The following TMEM200C variants were observed in gnomAD, a reference collection of about 807,000 sequenced individuals.
TMEM200C encodes the protein transmembrane protein TTMA.
For missense variants in TMEM200C, 966 were observed against 699.9 expected, an observed-to-expected ratio of 1.38 and a Z score of -4.29; for synonymous variants, 462 against 324.7, an observed-to-expected ratio of 1.42 and a Z score of -4.55.
In TMEM200C at chr18:5,891,225, GC is replaced by G; in HGVS notation, c.838del (p.Ala280ProfsTer97). Reference sequence around the variant, plus strand: ...GGGGTGAGGAGGCCACGAGCCCTTGGCCAGCATCGCCGCCGCTCCGAAGGCG... The same window carrying G: ...GGGGTGAGGAGGCCACGAGCCCTTGGCAGCATCGCCGCCGCTCCGAAGGCG... On this transcript the variant is annotated frameshift_variant, in exon 3 of 3. Transcript: ENST00000581347. LOFTEE classifies it low-confidence loss of function (END_TRUNC). This position sits in a 1 kb window ranked among gnomAD's most constrained non-coding sequence, Gnocchi z 4.7. 1 of 1,287,608 alleles carries G rather than the reference GC, an allele frequency of 7.8e-7. No individual in the cohort carries two copies. The highest frequency in any genetic ancestry group is 1.0e-6 in the Non-Finnish European group (1 of 995,202). The allele number at this position is 1,287,608 out of a possible 1,614,324, so 79.8% of individuals were successfully genotyped here.
exon 3 of TMEM200C, chr18:5,887,348 C>A (rs1402592174): frequency 2.6e-5 from 4 of 152,174 alleles, no homozygotes; most frequent in African/African-American, 9.7e-5. Context: ...AAAACTTGTT[C>A]ATGCCCGTCT....
chr18:5,892,110 A>C (rs1567888412), exon 3 of TMEM200C: 1 of 1,550,342 alleles, frequency 6.5e-7, no homozygotes, highest in East Asian at 2.3e-5. Context: ...GGAGGCTTGC[A>C]CAGGGAGGGC....
intron 2 of TMEM200C, among the ~76,000 whole-genome samples, chr18:5,894,003 G>T (rs2095173628): frequency 1.3e-5 from 2 of 152,190 alleles, no homozygotes; most frequent in Admixed American, 6.5e-5. Context: ...TGTTTTAAGT[G>T]ATCCTTGGAG....
exon 3 of TMEM200C, chr18:5,888,280 C>T (rs1461465132): frequency 6.6e-6 from 1 of 152,220 alleles, no homozygotes; most frequent in African/African-American, 2.4e-5. Flanking sequence ...TTAGTGCAAA[C>T]TCACTTTTGC....
chr18:5,890,327 G>C, exon 3 of TMEM200C: 2 of 1,604,374 alleles, frequency 1.2e-6, no homozygotes, highest in Non-Finnish European at 1.7e-6. Context: ...GTGGCTCCTG[G>C]CTGGCACCCT....
At chr18:5,886,669 T>G (rs2095165573) in exon 3 of TMEM200C, 1 of 152,180 alleles carries the variant, frequency 6.6e-6, no homozygotes, top group Non-Finnish European at 1.5e-5. Flanking sequence ...CCAGGAGTTG[T>G]TCTAAGTCCT....
At position 5,890,372 on chromosome 18, in the gene TMEM200C, G is replaced by A. The variant is rs767617925; in HGVS notation, c.1692C>T (p.Ala564=). 4 of 1,590,994 alleles carry A rather than the reference G, an allele frequency of 2.5e-6. No individual in the cohort carries two copies. In the South Asian group the frequency reaches 3.4e-5, roughly 14 times the overall value. ...TCTGCTCCGCACCCAGAACGGGGGC[G>A]GCCACAGCAGAGTCTCGCGTTTGAC... Residue 564 remains alanine, a synonymous_variant, in exon 3 of 3, where the codon GCC becomes GCT. Transcript: ENST00000581347.
exon 3 of TMEM200C, chr18:5,890,152 C>T (rs371807347): frequency 1.8e-5 from 27 of 1,479,822 alleles, no homozygotes; most frequent in Non-Finnish European, 2.3e-5. Context: ...TTCAAGTGGG[C>T]GTTTCTCCCA....
chr18:5,894,288 T>C (rs2095173894), intron 2 of TMEM200C, among the ~76,000 whole-genome samples: 1 of 152,206 alleles, frequency 6.6e-6, no homozygotes, highest in Admixed American at 6.5e-5. Context: ...TTACCGCACA[T>C]CTTTAAAATG....
exon 3 of TMEM200C, chr18:5,890,033 C>T: frequency 5.3e-6 from 3 of 568,772 alleles, no homozygotes; most frequent in Non-Finnish European, 8.2e-6. Context: ...GAGTTATCTA[C>T]AGGAATCTTG....
chr18:5,890,939 C>T (rs752686010), exon 3 of TMEM200C: 1 of 673,550 alleles, frequency 1.5e-6, no homozygotes, highest in South Asian at 1.5e-5. Flanking sequence ...AGGCGCTCAG[C>T]GAGGAGTCCA....
chr18:5,887,069 C>G (rs1287398291), exon 3 of TMEM200C: 2 of 152,130 alleles, frequency 1.3e-5, no homozygotes, highest in African/African-American at 4.8e-5. Context: ...AATTGAGACA[C>G]AGAGAGACTA....
exon 3 of TMEM200C, chr18:5,890,963 C>G (rs563302833): frequency 1.5e-4 from 97 of 660,970 alleles, no homozygotes; most frequent in African/African-American, 1.1e-3. Context: ...AGGAGCTGGC[C>G]GTGCTCTGGC....
exon 1 of TMEM200C, chr18:5,895,891 G>C (rs957056606): frequency 2.6e-5 from 4 of 152,016 alleles, no homozygotes; most frequent in Admixed American, 6.5e-5. Context: ...CCCAAAGAGA[G>C]GCCCGGAGGG....
At position 5,891,958 on chromosome 18, in the gene TMEM200C, T is replaced by G. The variant is rs559620790; in HGVS notation, c.106A>C (p.Lys36Gln). The change falls in exon 3 of 3, where the codon AAG (lysine) becomes CAG (glutamine). Residue 36 changes from lysine (K) to glutamine (Q), a missense_variant. Coordinates refer to ENST00000581347, the Ensembl canonical transcript of TMEM200C. This position sits in a 1 kb window ranked among gnomAD's most constrained non-coding sequence, Gnocchi z 4.7. ...CCTTTCACCACCACCACGTCGTTCT[T>G]GCGCCTCTTCTTGGCTTTCCGCTTG... The G allele has an allele frequency of 6.7e-5, 108 of 1,613,968 alleles. 1 individual carries two copies. In the South Asian group the frequency reaches 1.1e-3, roughly 17 times the overall value.
At position 5,891,996 on chromosome 18, in the gene TMEM200C, T is replaced by C; in HGVS notation, c.68A>G (p.Gln23Arg). 3 of 1,613,974 alleles carry C rather than the reference T, an allele frequency of 1.9e-6. No homozygotes were observed. The highest frequency in any genetic ancestry group is 2.5e-6 in the Non-Finnish European group (3 of 1,179,886). The stretch of plus-strand genomic sequence containing the variant: ...GGCTTTCCGCTTGCGCTTGGGTATC[T>C]GGCTTGGGGGGCGGAGTGGATCCTG... Residue 23 changes from glutamine (Q) to arginine (R), a missense_variant, in exon 3 of 3, where the codon CAG (glutamine) becomes CGG (arginine). Gln to Arg is a conservative substitution (Grantham distance 43). Transcript: ENST00000581347. This position sits in a 1 kb window ranked among gnomAD's most constrained non-coding sequence, Gnocchi z 4.7.
At chr18:5,885,580 G>T (rs535924624) in exon 3 of TMEM200C, 8 of 152,206 alleles carry the variant, frequency 5.3e-5, no homozygotes, top group Non-Finnish European at 8.8e-5. Flanking sequence ...TCACACCCAT[G>T]TGGGCTCAGC....
chr18:5,887,848 G>A (rs1346085379), exon 3 of TMEM200C: 1 of 152,104 alleles, frequency 6.6e-6, no homozygotes, highest in Non-Finnish European at 1.5e-5. Context: ...CCCAAGATTT[G>A]GAAAATTGAG....
In TMEM200C at chr18:5,891,872, C is replaced by T. The variant is rs746569622; in HGVS notation, c.192G>A (p.Leu64=). ...CCACCACCGCCATGGCTATGCCCAC[C>T]AGCAGCACCAGGATCCCACAGAGGG... The change falls in exon 3 of 3, where the codon CTG becomes CTA. Residue 64 remains leucine, a synonymous_variant. Transcript: ENST00000581347. The surrounding 1 kb of genome is among the most constrained non-coding windows in gnomAD (Gnocchi z 4.7). 2 of 1,611,466 alleles carry T rather than the reference C, an allele frequency of 1.2e-6. No homozygotes were observed. Among genetic ancestry groups the T allele is most frequent in the South Asian group, 1.1e-5 (1 of 91,076 alleles).
Sources: allele counts gnomAD v4.1 joint callset (sites outside exome capture counted in the v4.1 genomes callset), GRCh38; gene constraint gnomAD v4.1.1; non-coding constraint Gnocchi (gnomAD v3.1); transcripts MANE v1.5; gene names NCBI Gene and HGNC (gene_info 2026-07-23, HGNC 2026-07-21).